Variants in SRFBP1 observed in about 807,000 individuals in gnomAD.
The protein encoded by SRFBP1 is serum response factor-binding protein 1.
SRFBP1 carries 47 observed loss-of-function variants against 45.5 expected under a neutral mutation model. The ratio of observed to expected loss-of-function variants is 1.03; its 90% CI spans 0.82 to 1.32. The LOEUF (loss-of-function observed/expected upper bound fraction) is 1.32, where lower values mean the gene tolerates loss of function less well. Ranked by LOEUF, SRFBP1 falls within the 40% of genes most tolerant of loss-of-function variation. The pLI is 0.00. For missense variants in SRFBP1, 621 were observed against 484.6 expected, an observed-to-expected ratio of 1.28 and a Z score of -2.64; for synonymous variants, 203 against 166.3, an observed-to-expected ratio of 1.22 and a Z score of -1.70.
rs1294814334 is a variant in SRFBP1, at chr5:122,020,576, A to G, written c.841A>G (p.Ser281Gly). 4.3e-6 allele frequency: 7 copies of G among 1,614,058 alleles called. No homozygotes were observed. In the Admixed American group the frequency reaches 1.0e-4, roughly 23 times the overall value. ...KQSSMSEDSD[S>G]GDDFFIGKVR... ...GTCTTCCATGTCTGAAGATAGTGATAGCGGTGACGACTTCTTCATTGGGAA... is the reference window on the plus strand; with the variant it reads ...GTCTTCCATGTCTGAAGATAGTGATGGCGGTGACGACTTCTTCATTGGGAA... Residue 281 changes from serine (S) to glycine (G), a missense_variant, in exon 6 of 8, where the codon AGC becomes GGC. Transcript: ENST00000339397.
chr5:121,964,351 C>T (rs1331377067), intron 1 of SRFBP1, among the ~76,000 whole-genome samples: 1 of 152,108 alleles, frequency 6.6e-6, no homozygotes, highest in Non-Finnish European at 1.5e-5. Flanking sequence ...CCCCTTTCCC[C>T]CCACCCGACA....
intron 4 of SRFBP1, among the ~76,000 whole-genome samples, chr5:122,018,239 G>A (rs543585781): frequency 1.3e-5 from 2 of 152,302 alleles, no homozygotes; most frequent in Admixed American, 6.5e-5. Context: ...AAAAATCACC[G>A]TGGCTGTTGT....
At chr5:122,070,512 A>G in intron 2 of SRFBP1, 1 of 1,601,368 alleles carries the variant, frequency 6.2e-7, no homozygotes, top group Non-Finnish European at 8.5e-7. Flanking sequence ...TATAGTTTCC[A>G]GGTTTTACAT....
chr5:122,019,441 A>AT, intron 5 of SRFBP1, 100 bp downstream of exon 5: 7 of 973,630 alleles, frequency 7.2e-6, no homozygotes, highest in Non-Finnish European at 1.1e-5. Context: ...TATTATAAAT[A>AT]TAAGTTTCTT....
At chr5:121,985,466 A>G (rs555290065) in intron 3 of SRFBP1, among the ~76,000 whole-genome samples, 2 of 152,006 alleles carry the variant, frequency 1.3e-5, no homozygotes, top group South Asian at 2.1e-4. Context: ...TCAGATATCA[A>G]CATGGTCAAG....
At chr5:121,998,273 C>G (rs1377221195) in intron 4 of SRFBP1, among the ~76,000 whole-genome samples, 2 of 151,306 alleles carry the variant, frequency 1.3e-5, no homozygotes, top group Non-Finnish European at 2.9e-5. Flanking sequence ...CCCAAATGTC[C>G]AACAATGATA....
chr5:122,076,545 A>G (rs1164036263), downstream of SRFBP1, among the ~76,000 whole-genome samples: 1 of 152,176 alleles, frequency 6.6e-6, no homozygotes, highest in Non-Finnish European at 1.5e-5. Context: ...CTTCCATTAC[A>G]ATAAATTTTT....
At chr5:122,041,734 G>C (rs1460565177) in intron 2 of SRFBP1, among the ~76,000 whole-genome samples, 1 of 151,536 alleles carries the variant, frequency 6.6e-6, no homozygotes, top group Non-Finnish European at 1.5e-5. Context: ...ATTTTTCCAG[G>C]TTCAGAATTA....
Position 122,027,935 on chromosome 5 carries a change from A to T in SRFBP1, c.*809A>T, listed in dbSNP as rs1753521132. On this transcript the variant is annotated 3_prime_UTR_variant, in exon 8 of 8. Transcript: ENST00000339397. ...TTCCATTAAATCAAGAATGTATATT[A>T]TCTAGTTTTTACTATACTTATTTTA... The T allele has an allele frequency of 6.6e-6, 1 of 152,156 alleles. No individual in the cohort carries two copies. The highest frequency in any genetic ancestry group is 2.1e-4 in the South Asian group (1 of 4,830). 9.4% of individuals were successfully genotyped at this position (152,156 alleles called of 1,614,324 possible). A position where few individuals can be genotyped will look rare whatever the true frequency, so the allele number is the denominator to read the frequency against.
chr5:121,986,580 T>C (rs1469600258), intron 3 of SRFBP1, among the ~76,000 whole-genome samples: 2 of 152,088 alleles, frequency 1.3e-5, no homozygotes, highest in Non-Finnish European at 2.9e-5. Context: ...TTGCGATTCA[T>C]TGCTGTCAGT....
chr5:121,972,627 T>C (rs2112816248), intron 1 of SRFBP1, among the ~76,000 whole-genome samples: 1 of 152,028 alleles, frequency 6.6e-6, no homozygotes, highest in Non-Finnish European at 1.5e-5. Context: ...TTGGCAGATG[T>C]TATCATGTAT....
At chr5:122,076,874 C>G (rs552585847), downstream of SRFBP1, 19 of 1,611,252 alleles carry the variant, frequency 1.2e-5, no homozygotes, top group Non-Finnish European at 1.5e-5. Flanking sequence ...AGCGGGGCCT[C>G]AGACATATCA....
At chr5:122,047,862 A>G (rs561246200) in intron 2 of SRFBP1, among the ~76,000 whole-genome samples, 22 of 152,306 alleles carry the variant, frequency 1.4e-4, no homozygotes, top group Admixed American at 1.2e-3. Flanking sequence ...TTATTGGTGT[A>G]TAAGAATGCT....
At chr5:122,016,925 G>A (rs923778405) in intron 4 of SRFBP1, among the ~76,000 whole-genome samples, 2 of 152,124 alleles carry the variant, frequency 1.3e-5, no homozygotes, top group Non-Finnish European at 2.9e-5. Context: ...ATCACAAATT[G>A]AGTGGTTTAA....
chr5:122,036,543 A>C (rs1014663194), intron 2 of SRFBP1, among the ~76,000 whole-genome samples: 1 of 152,128 alleles, frequency 6.6e-6, no homozygotes, highest in Admixed American at 6.6e-5. Context: ...TATGTTAACA[A>C]TGTGATTTAT....
chr5:121,992,741 T>C (rs1752643792), intron 3 of SRFBP1, among the ~76,000 whole-genome samples: 1 of 152,122 alleles, frequency 6.6e-6, no homozygotes, highest in South Asian at 2.1e-4. Context: ...AAATAACATG[T>C]TTTCCACTTA....
intron 1 of SRFBP1, among the ~76,000 whole-genome samples, chr5:121,962,543 C>G (rs1470347232): frequency 6.6e-6 from 1 of 152,204 alleles, no homozygotes; most frequent in Non-Finnish European, 1.5e-5. Context: ...CTCAGTACTT[C>G]GTTTCCTCTT....
intron 4 of SRFBP1, among the ~76,000 whole-genome samples, chr5:122,000,414 A>G (rs1433996269): frequency 6.6e-6 from 1 of 152,092 alleles, no homozygotes; most frequent in Non-Finnish European, 1.5e-5. Context: ...GTTTAAATCC[A>G]AGTTTTCTGC....
At chr5:122,031,836 G>A (rs573068407), downstream of SRFBP1, among the ~76,000 whole-genome samples, 12 of 152,120 alleles carry the variant, frequency 7.9e-5, no homozygotes, top group African/African-American at 1.4e-4. Flanking sequence ...AGACTACAAC[G>A]TGAATGGATG....
Sources: gnomAD v4.1 joint callset for allele counts (sites outside exome capture counted in the v4.1 genomes callset) on GRCh38, gnomAD v4.1.1 for gene constraint, MANE v1.5 for transcripts, NCBI Gene and HGNC (gene_info 2026-07-23, HGNC 2026-07-21) for gene names.